TH: variants seen among roughly 807,000 people sequenced by gnomAD.
TH encodes tyrosine hydroxylase.
TH carries 49 observed loss-of-function variants against 57.4 expected under a neutral mutation model. That is an observed-to-expected ratio of 0.85 (90% confidence interval 0.68 to 1.08). The LOEUF is 1.08. Among genes scored for constraint, TH ranks in the 50% least tolerant of loss-of-function variants. TH has a pLI of 0.00. For synonymous variants in TH, 330 were observed against 304.5 expected (o/e 1.08, Z -0.87); for missense variants, 720 against 696.7 (o/e 1.03, Z -0.38).
Position 2,170,223 on chromosome 11 carries a change from C to T in TH, c.91-352G>A, listed in dbSNP as rs1182797864. ...AACTGGATTAGTGATGGGAAGAGGG[C>T]GATGTCTTGATGGACAGTGGCATCG... On this transcript the variant is annotated intron_variant, in intron 1 of 12. Coordinates refer to ENST00000352909, the MANE Select transcript of TH (RefSeq NM_000360.4). The surrounding 1 kb of genome is among the most constrained non-coding windows in gnomAD (Gnocchi z 6.0). 6.6e-6 allele frequency among the ~76,000 whole-genome samples: 1 copy of T among 152,096 alleles called. No individual in the cohort carries two copies. The highest frequency in any genetic ancestry group is 1.5e-5 in the Non-Finnish European group (1 of 68,002).
intron 3 of TH, 92 bp from the exon 4 acceptor site, chr11:2,168,271 G>C (rs536504376): frequency 5.2e-5 from 75 of 1,436,690 alleles, no homozygotes; most frequent in African/African-American, 3.9e-4. Context: ...CAAGACTTCC[G>C]GGGGGCAGAG....
intron 2 of TH, 179 bp from the exon 3 acceptor site, chr11:2,168,844 GC>G: frequency 1.3e-6 from 1 of 771,288 alleles, no homozygotes; most frequent in Non-Finnish European, 2.1e-6. Context: ...CGGCCACCAG[GC>G]CAGGGTTTGC....
In TH at chr11:2,166,687, A is replaced by C. The variant is rs1333454331; in HGVS notation, c.923T>G (p.Phe308Cys). 3 of 1,561,316 alleles carry C rather than the reference A, an allele frequency of 1.9e-6. No individual in the cohort carries two copies. Among genetic ancestry groups the C allele is most frequent in the Non-Finnish European group, 2.6e-6 (3 of 1,153,244 alleles). Reference sequence around the variant, plus strand: ...GTGGCGGATATACTGGGTGCACTGGAACACGCGGAAGGCCAGGCTGGCCAG... The same window carrying C: ...GTGGCGGATATACTGGGTGCACTGGCACACGCGGAAGGCCAGGCTGGCCAG... ...DFLASLAFRV[F>C]QCTQYIRHAS... Residue 308 changes from phenylalanine (F) to cysteine (C), a missense_variant, in exon 8 of 13, where the codon TTC becomes TGC. Coordinates refer to ENST00000352909, the MANE Select transcript of TH (RefSeq NM_000360.4).
In TH at chr11:2,169,777, G is replaced by A. The variant is rs574633942; in HGVS notation, c.185C>T (p.Ser62Leu). ...AGCCTCCAGGGGGTCCCCGGGCTCC[G>A]AGGGGACTGCAGCGGCCGCTGCTGC... ...AVAAAAAAVP[S>L]EPGDPLEAVA... is the part of the protein sequence containing the mutation. Residue 62 changes from serine (S) to leucine (L), a missense_variant, in exon 2 of 13, where the codon TCG becomes TTG. Transcript: ENST00000352909. 53 of 1,611,684 alleles carry A rather than the reference G, an allele frequency of 3.3e-5. No homozygotes were observed. The South Asian group carries it at 4.2e-4, about 13-fold the overall frequency.
intron 2 of TH, 68 bp from the exon 3 acceptor site, chr11:2,168,733 T>A: frequency 1.2e-5 from 1 of 85,914 alleles, no homozygotes; most frequent in African/African-American, 3.1e-4. Context: ...GAGGGTGGGG[T>A]GGGCGGGGAG....
At chr11:2,167,965 G>A (rs1295850844) in intron 4 of TH, 32 bp from the exon 5 acceptor site, 1 of 1,610,206 alleles carries the variant, frequency 6.2e-7, no homozygotes, top group Admixed American at 1.7e-5. Context: ...GGGTCAGGAG[G>A]CTGTGCTGGG....
chr11:2,171,776 G>T lies in TH; in HGVS notation c.11C>A (p.Pro4His). MPT[P>H]DATTPQAKGF... ...CTTGGCCTGTGGCGTGGTGGCGTCG[G>T]GGGTGGGCATGGCTCAGTGTGGAGG... is the stretch of plus-strand genomic sequence containing the variant. The change falls in exon 1 of 13, where the codon CCC becomes CAC. Residue 4 changes from proline (P) to histidine (H), a missense_variant. By Grantham distance (77) the Pro-to-His change is moderately conservative. Transcript: ENST00000352909. This position sits in a 1 kb window ranked among gnomAD's most constrained non-coding sequence, Gnocchi z 8.6. 6.2e-7 allele frequency: 1 copy of T among 1,612,078 alleles called. No homozygotes were observed. The highest frequency in any genetic ancestry group is 1.1e-5 in the South Asian group (1 of 91,046).
chr11:2,166,884 C>T lies in TH; in HGVS notation c.841+3G>A, dbSNP rs528887823. On this transcript the variant is annotated splice_donor_region_variant and intron_variant, in intron 7 of 12. Coordinates refer to ENST00000352909, the MANE Select transcript of TH (RefSeq NM_000360.4). ...GCTCTGCGCCCCTCCCGTCTGGGCA[C>T]ACCCTTCAGGAAGCGGGAGACGTCC... 1.2e-6 allele frequency: 2 copies of T among 1,605,256 alleles called. No individual in the cohort carries two copies. The highest frequency in any genetic ancestry group is 1.1e-5 in the South Asian group (1 of 89,378).
Position 2,171,687 on chromosome 11 carries a change from G to A in TH, c.90+10C>T, listed in dbSNP as rs1554924321. ...CACTGCGGCCGCCGGGCACCTACCT[G>A]CCCTCTTACCATGATGGCCTCTGCC... On this transcript the variant is annotated intron_variant, in intron 1 of 12. Transcript: ENST00000352909. This position sits in a 1 kb window ranked among gnomAD's most constrained non-coding sequence, Gnocchi z 8.6. 1 of 1,611,276 alleles carries A rather than the reference G, an allele frequency of 6.2e-7. No individual in the cohort carries two copies. The highest frequency in any genetic ancestry group is 8.5e-7 in the Non-Finnish European group (1 of 1,179,730).
intron 12 of TH, 35 bp downstream of exon 12, chr11:2,165,197 C>T (rs1481440771): frequency 2.5e-5 from 41 of 1,612,376 alleles, no homozygotes; most frequent in Non-Finnish European, 3.3e-5. Context: ...AGTTTGGGGG[C>T]ACCATGGGGG....
chr11:2,164,757 G>A (rs1442584067), intron 12 of TH, among the ~76,000 whole-genome samples: 1 of 152,124 alleles, frequency 6.6e-6, no homozygotes, highest in Non-Finnish European at 1.5e-5. Context: ...CAGTGCATAA[G>A]AGGCTGGAGG....
chr11:2,170,667 TC>T lies in TH; in HGVS notation c.91-797del. 2 of 1,582,780 alleles carry T rather than the reference TC, an allele frequency of 1.3e-6. No homozygotes were observed. Among genetic ancestry groups the T allele is most frequent in the Non-Finnish European group, 1.7e-6 (2 of 1,161,014 alleles). ...CATGAAGGGGAGCAGCAGAAGCCCC[TC>T]CCAGAGTCCCCTCTTACTTACCCTT... On this transcript the variant is annotated intron_variant, in intron 1 of 12. Coordinates refer to ENST00000352909, the MANE Select transcript of TH (RefSeq NM_000360.4). This position sits in a 1 kb window ranked among gnomAD's most constrained non-coding sequence, Gnocchi z 6.0.
At position 2,168,090 on chromosome 11, in the gene TH, C is replaced by T; in HGVS notation, c.576+1G>A. On this transcript the variant is annotated splice_donor_variant, in intron 4 of 12. Coordinates refer to ENST00000352909, the MANE Select transcript of TH (RefSeq NM_000360.4). LOFTEE classifies it high-confidence loss of function. ...GCCTGAGTGAGGGGCGCACCACTCA[C>T]CGGGTGGTCCAAGTCCAGGTCAGGG... 1.2e-6 allele frequency: 2 copies of T among 1,613,154 alleles called. No individual in the cohort carries two copies. Among genetic ancestry groups the T allele is most frequent in the Non-Finnish European group, 1.7e-6 (2 of 1,179,754 alleles).
intron 5 of TH, 103 bp from the exon 6 acceptor site, chr11:2,167,588 G>A: frequency 2.9e-6 from 4 of 1,381,600 alleles, no homozygotes; most frequent in Non-Finnish European, 4.0e-6. Context: ...GCCTAGTGCA[G>A]CGAGGCCTTT....
In TH at chr11:2,170,411, C is replaced by T. The variant is rs1339319555; in HGVS notation, c.91-540G>A. ...CCCTCTGTGCCACCCCGCAGGCGCC[C>T]GCTCCTGGCTGCCTTGTCATCCCTC... On this transcript the variant is annotated intron_variant, in intron 1 of 12. Transcript: ENST00000352909. The surrounding 1 kb of genome is among the most constrained non-coding windows in gnomAD (Gnocchi z 6.0). 6.6e-6 allele frequency among the ~76,000 whole-genome samples: 1 copy of T among 152,136 alleles called. No homozygotes were observed. The highest frequency in any genetic ancestry group is 1.5e-5 in the Non-Finnish European group (1 of 68,014).
In TH at chr11:2,170,390, C is replaced by T. The variant is rs1234742357; in HGVS notation, c.91-519G>A. Among the ~76,000 whole-genome samples, 1 of 152,172 alleles carries T rather than the reference C, an allele frequency of 6.6e-6. No individual in the cohort carries two copies. The highest frequency in any genetic ancestry group is 2.4e-5 in the African/African-American group (1 of 41,440). On this transcript the variant is annotated intron_variant, in intron 1 of 12. Coordinates refer to ENST00000352909, the MANE Select transcript of TH (RefSeq NM_000360.4). The surrounding 1 kb of genome is among the most constrained non-coding windows in gnomAD (Gnocchi z 6.0). The stretch of plus-strand genomic sequence containing the variant: ...ACACCTGTCCTCGGGCCCTGCCCCT[C>T]TGTGCCACCCCGCAGGCGCCCGCTC...
chr11:2,167,703 C>G, intron 5 of TH, 163 bp downstream of exon 5: 1 of 1,135,868 alleles, frequency 8.8e-7, no homozygotes, highest in Non-Finnish European at 1.3e-6. Context: ...AGTTTCCCCA[C>G]TGGGATTTGG....
In TH at chr11:2,170,598, T is replaced by C. The variant is rs1383761795; in HGVS notation, c.91-727A>G. On this transcript the variant is annotated intron_variant, in intron 1 of 12. Transcript: ENST00000352909. The surrounding 1 kb of genome is among the most constrained non-coding windows in gnomAD (Gnocchi z 6.0). ...TCCCAAGAAGGCTCTGGGCCCCTTG[T>C]AAGAGAAGAATCAGCTTCATCCTGA... The C allele has an allele frequency of 8.5e-7, 1 of 1,170,040 alleles. No homozygotes were observed. The highest frequency in any genetic ancestry group is 1.5e-5 in the African/African-American group (1 of 65,780). 72.5% of individuals were successfully genotyped at this position (1,170,040 alleles called of 1,614,324 possible).
Position 2,167,029 on chromosome 11 carries a change from C to A in TH, c.699G>T (p.Lys233Asn). 1 of 1,580,160 alleles carries A rather than the reference C, an allele frequency of 6.3e-7. No homozygotes were observed. Residue 233 changes from lysine (K) to asparagine (N), a missense_variant, in exon 7 of 13, where the codon AAG becomes AAT. Coordinates refer to ENST00000352909, the MANE Select transcript of TH (RefSeq NM_000360.4). ...EYTAEEIATWKEVYTTLKGLY... is the reference protein window; with the variant it reads ...EYTAEEIATWNEVYTTLKGLY... ...GGCCCTTCAGCGTGGTGTAGACCTC[C>A]TTCCTGCGGGCAGCCAGGCTCAGGG...
Sources: gnomAD v4.1 joint callset for allele counts (sites outside exome capture counted in the v4.1 genomes callset) on GRCh38, gnomAD v4.1.1 for gene constraint, Gnocchi (gnomAD v3.1) non-coding constraint, MANE v1.5 for transcripts, NCBI Gene and HGNC (gene_info 2026-07-23, HGNC 2026-07-21) for gene names.